The following ZNF674 variants were observed in gnomAD, a reference collection of about 807,000 sequenced individuals.
ZNF674 encodes the protein zinc finger protein 674.
In ZNF674, 2 loss-of-function variants were observed where a neutral mutation model predicts 7.0. The observed-to-expected ratio is 0.29, with a 90% CI of 0.12 to 0.90. The LOEUF is 0.90. ZNF674 is among the 40% of genes least tolerant of loss of function. The pLI, the probability that ZNF674 is intolerant of heterozygous loss-of-function variation, is 0.57. For synonymous variants in ZNF674, 103 were observed against 145.2 expected (o/e 0.71, Z 2.09); for missense variants, 297 against 415.5 (o/e 0.71, Z 2.48).
chrX:46,502,324 G>C (rs866884308), intron 5 of ZNF674, among the ~76,000 whole-genome samples: 1 of 79,908 alleles, frequency 1.3e-5, no homozygotes, highest in African/African-American at 5.6e-5. Context: ...AAAAAGAAAA[G>C]AAAATTTAAA....
At chrX:46,505,112 A>T (rs1941508804) in intron 5 of ZNF674, among the ~76,000 whole-genome samples, 1 of 107,316 alleles carries the variant, frequency 9.3e-6, no homozygotes, top group Non-Finnish European at 1.9e-5. Flanking sequence ...CTTGTCTTGA[A>T]CTCCTGACCT....
rs1457345426 is a variant in ZNF674, at chrX:46,521,650, GA to G, written c.238+6699del. On this transcript the variant is annotated intron_variant, in intron 5 of 5. Coordinates refer to ENST00000683375, the MANE Select transcript of ZNF674 (RefSeq NM_001190417.2). Reference sequence around the variant, plus strand: ...AGTACTTTGGGAGGCCAAGGCGGGGGAGGGGGGGGAGGTGGATCACCTGAGG... The same window carrying G: ...AGTACTTTGGGAGGCCAAGGCGGGGGGGGGGGGGAGGTGGATCACCTGAGG... 2.0e-3 allele frequency among the ~76,000 whole-genome samples: 213 copies of G among 107,151 alleles called. 3 individuals carry two copies. Among genetic ancestry groups the G allele is most frequent in the Non-Finnish European group, 2.8e-3 (146 of 51,569 alleles). 93.0% of individuals were successfully genotyped at this position (107,151 alleles called of 115,157 possible).
chrX:46,505,204 A>T (rs745648159), intron 5 of ZNF674, among the ~76,000 whole-genome samples: 144 of 111,836 alleles, frequency 1.3e-3, no homozygotes, highest in Non-Finnish European at 2.1e-3. Context: ...TTTTATTTTT[A>T]AAAAAATGAC....
intron 3 of ZNF674, among the ~76,000 whole-genome samples, chrX:46,539,647 T>C (rs933589153): frequency 8.9e-6 from 1 of 112,718 alleles, no homozygotes; most frequent in Admixed American, 9.4e-5. Flanking sequence ...TAGGGGATAT[T>C]TGGCAATGAC....
chrX:46,525,335 G>A (rs1462734712), intron 5 of ZNF674: 2 of 268,661 alleles, frequency 7.4e-6, no homozygotes, highest in Admixed American at 4.1e-5. Context: ...GGGCATGGTG[G>A]CTCATACCTG....
chrX:46,524,598 A>T (rs1026423990), intron 5 of ZNF674, among the ~76,000 whole-genome samples: 3 of 109,459 alleles, frequency 2.7e-5, no homozygotes, highest in Non-Finnish European at 5.7e-5. Context: ...CTGAGGTGGG[A>T]GAAACGCTTG....
chrX:46,535,130 A>G (rs1942179606), intron 3 of ZNF674, among the ~76,000 whole-genome samples: 1 of 111,318 alleles, frequency 9.0e-6, no homozygotes, highest in Non-Finnish European at 1.9e-5. Flanking sequence ...AGAAATTTCT[A>G]AATAGCAGAA....
chrX:46,521,284 G>A (rs953726152), intron 5 of ZNF674, among the ~76,000 whole-genome samples: 6 of 110,117 alleles, frequency 5.4e-5, no homozygotes, highest in Non-Finnish European at 1.1e-4. Flanking sequence ...GTACTCTACC[G>A]AAAATAGTGC....
intron 5 of ZNF674, among the ~76,000 whole-genome samples, chrX:46,503,607 AAT>A (rs1483511385): frequency 1.8e-5 from 2 of 112,117 alleles, no homozygotes; most frequent in Admixed American, 9.6e-5. Context: ...ATTAGGGCAA[AAT>A]GACAGAGATG....
rs371723804 is a variant in ZNF674 at position 46,500,824 on chromosome X, G to C, written c.750C>G (p.Cys250Trp). Residue 250 changes from cysteine (C) to tryptophan (W), a missense_variant, in exon 6 of 6, where the codon TGC (cysteine) becomes TGG (tryptophan). Cys to Trp is a radical substitution (Grantham distance 215). Transcript: ENST00000683375. ...THTGEKPYECCECAKAFSQKS... is the reference protein window; with the variant it reads ...THTGEKPYECWECAKAFSQKS... ...TCTGGCTGAAGGCTTTTGCACATTC[G>C]CAGCATTCATAAGGTTTCTCTCCGG... 3 of 1,191,949 alleles carry C rather than the reference G, an allele frequency of 2.5e-6. No homozygotes were observed. The Admixed American group carries it at 7.0e-5, about 28-fold the overall frequency.
At chrX:46,541,372 A>G (rs1485701023) in intron 3 of ZNF674, among the ~76,000 whole-genome samples, 4 of 110,577 alleles carry the variant, frequency 3.6e-5, no homozygotes, top group Admixed American at 9.8e-5. Flanking sequence ...AAAAAAAAAA[A>G]AAAAAGAAAA....
chrX:46,513,779 G>A (rs1266976186), intron 5 of ZNF674, among the ~76,000 whole-genome samples: 1 of 111,667 alleles, frequency 9.0e-6, no homozygotes, highest in African/African-American at 3.3e-5. Flanking sequence ...AAGCATAAGA[G>A]TGTTGGCCGG....
At chrX:46,510,196 G>A (rs975743686) in intron 5 of ZNF674, among the ~76,000 whole-genome samples, 7 of 106,414 alleles carry the variant, frequency 6.6e-5, no homozygotes, top group Non-Finnish European at 7.8e-5. Context: ...GCTAAATGAC[G>A]AGTTGATGGG....
At chrX:46,507,902 T>A (rs913573686) in intron 5 of ZNF674, among the ~76,000 whole-genome samples, 1 of 112,152 alleles carries the variant, frequency 8.9e-6, no homozygotes, top group African/African-American at 3.2e-5. Flanking sequence ...ATAGTTATCT[T>A]TGAAGTTCTT....
chrX:46,538,326 A>G (rs1033720036), intron 3 of ZNF674, among the ~76,000 whole-genome samples: 22 of 111,821 alleles, frequency 2.0e-4, no homozygotes, highest in African/African-American at 6.2e-4. Context: ...AATCCTATAT[A>G]AGCAATAAAA....
Position 46,500,760 on chromosome X carries a change from C to G in ZNF674, c.814G>C (p.Glu272Gln), listed in dbSNP as rs766727046. 1 of 1,198,611 alleles carries G rather than the reference C, an allele frequency of 8.3e-7. No individual in the cohort carries two copies. The highest frequency in any genetic ancestry group is 1.8e-5 in the African/African-American group (1 of 56,586). ...LIAHQRTHTG[E>Q]KPYECSECGK... ...CATTCACTGCATTCATAGGGCTTCT[C>G]CCCTGTGTGAGTTCTCTGGTGTGCT... The change falls in exon 6 of 6, where the codon GAG becomes CAG. Residue 272 changes from glutamate to glutamine, a missense_variant. Physicochemically the swap from Glu to Gln is conservative, Grantham distance 29. Coordinates refer to ENST00000683375, the MANE Select transcript of ZNF674 (RefSeq NM_001190417.2).
chrX:46,505,427 C>T (rs201775167), intron 5 of ZNF674, among the ~76,000 whole-genome samples: 2 of 111,593 alleles, frequency 1.8e-5, no homozygotes, highest in African/African-American at 6.5e-5. Context: ...AATCATTTCA[C>T]GACTTTAGAA....
chrX:46,502,053 AT>A (rs1941441989), intron 5 of ZNF674, among the ~76,000 whole-genome samples: 2 of 110,797 alleles, frequency 1.8e-5, no homozygotes, highest in Admixed American at 9.7e-5. Context: ...CACGCCTGTA[AT>A]CCCAGCACTT....
Position 46,519,265 on chromosome X carries a change from A to AGATAGATGAT in ZNF674, c.238+9084_238+9085insATCATCTATC, listed in dbSNP as rs1569476445. On this transcript the variant is annotated intron_variant, in intron 5 of 5. Coordinates refer to ENST00000683375, the MANE Select transcript of ZNF674 (RefSeq NM_001190417.2). Reference sequence around the variant, plus strand: ...AGATAGATAGATAGATAGATAGATAAAGATAGATGATAGATAGATAGATAG... The same window carrying AGATAGATGAT: ...AGATAGATAGATAGATAGATAGATAAGATAGATGATAGATAGATGATAGATAGATAGATAG... Among the ~76,000 whole-genome samples the AGATAGATGAT allele has an allele frequency of 2.0e-3, 92 of 45,714 alleles. 1 individual carries two copies. Among genetic ancestry groups the AGATAGATGAT allele is most frequent in the Non-Finnish European group, 2.3e-3 (51 of 22,144 alleles). The allele number at this position is 45,714 out of a possible 115,157, so 39.7% of individuals were successfully genotyped here. A position where few individuals can be genotyped will look rare whatever the true frequency, so the allele number is the denominator to read the frequency against.
Sources: allele counts gnomAD v4.1 joint callset (sites outside exome capture counted in the v4.1 genomes callset), GRCh38; gene constraint gnomAD v4.1.1; transcripts MANE v1.5; gene names NCBI Gene and HGNC (gene_info 2026-07-23, HGNC 2026-07-21).